Variants in CNTNAP2 observed in about 807,000 individuals in gnomAD.
CNTNAP2 encodes contactin-associated protein-like 2.
CNTNAP2 carries 98 observed loss-of-function variants against 155.2 expected under a neutral mutation model. The observed-to-expected ratio is 0.63, with a 90% confidence interval of 0.54 to 0.75. The LOEUF (loss-of-function observed/expected upper bound fraction) is 0.75, where lower values mean the gene tolerates loss of function less well. Ranked by LOEUF, CNTNAP2 falls within the 30% of genes least tolerant of loss-of-function variation. The probability of loss-of-function intolerance (pLI) is 0.00; values close to 1 mark genes in which losing one functional copy is unlikely to be tolerated. For synonymous variants in CNTNAP2, 651 were observed against 631.2 expected (o/e 1.03, Z -0.47); for missense variants, 1,727 against 1,688.1 (o/e 1.02, Z -0.40).
At chr7:146,933,639 GA>G (rs951749431) in intron 3 of CNTNAP2, among the ~76,000 whole-genome samples, 1 of 147,758 alleles carries the variant, frequency 6.8e-6, no homozygotes, top group African/African-American at 2.5e-5. Context: ...ACTACCATCA[GA>G]GTGAACAGGC....
chr7:146,589,779 T>G (rs550858361), intron 1 of CNTNAP2, among the ~76,000 whole-genome samples: 3 of 151,924 alleles, frequency 2.0e-5, no homozygotes, highest in Non-Finnish European at 4.4e-5. Context: ...AATGGAATGT[T>G]GCAATGTAAG....
intron 1 of CNTNAP2, among the ~76,000 whole-genome samples, chr7:146,685,305 A>G (rs2642493): frequency 0.73 from 110,597 of 152,070 alleles, 40,890 homozygotes; most frequent in South Asian, 0.86. Context: ...AACTTGAAAC[A>G]TTCCTATAGA....
At chr7:147,592,744 G>A (rs1004132371) in intron 12 of CNTNAP2, among the ~76,000 whole-genome samples, 2 of 152,152 alleles carry the variant, frequency 1.3e-5, no homozygotes, top group African/African-American at 4.8e-5. Context: ...ACAAGGCATA[G>A]AGGATAAATT....
intron 13 of CNTNAP2, among the ~76,000 whole-genome samples, chr7:147,867,322 T>A (rs191483487): frequency 6.6e-6 from 1 of 152,356 alleles, no homozygotes; most frequent in Non-Finnish European, 1.5e-5. Flanking sequence ...GATCCGCTGT[T>A]TGTCTGATGG....
At chr7:147,768,330 C>T (rs1000698931) in intron 13 of CNTNAP2, among the ~76,000 whole-genome samples, 1 of 151,948 alleles carries the variant, frequency 6.6e-6, no homozygotes, top group Non-Finnish European at 1.5e-5. Flanking sequence ...ATTTGTAAAT[C>T]GGGAGGAAGT....
intron 1 of CNTNAP2, among the ~76,000 whole-genome samples, chr7:146,533,107 CAAAAAAAAAAAAA>C (rs553035616): frequency 2.1e-5 from 1 of 47,836 alleles, no homozygotes; most frequent in Admixed American, 3.5e-4. Flanking sequence ...GACCCTGTCT[CAAAAAAAAAAAAA>C]AAAAAAAAAA....
At chr7:147,473,082 C>T (rs563654965) in intron 10 of CNTNAP2, among the ~76,000 whole-genome samples, 6 of 152,196 alleles carry the variant, frequency 3.9e-5, no homozygotes, top group East Asian at 1.9e-4. Flanking sequence ...AGTTCAAATA[C>T]GTTCATAGAC....
intron 1 of CNTNAP2, among the ~76,000 whole-genome samples, chr7:146,223,453 G>A (rs1476218461): frequency 6.6e-6 from 1 of 152,176 alleles, no homozygotes; most frequent in East Asian, 1.9e-4. Context: ...CTGAGACCTG[G>A]TCACTAGCTT....
At chr7:148,326,648 T>C (rs561448620) in intron 21 of CNTNAP2, among the ~76,000 whole-genome samples, 38 of 151,956 alleles carry the variant, frequency 2.5e-4, no homozygotes, top group Middle Eastern at 3.4e-3. Flanking sequence ...GGGCGGATCA[T>C]GAGGTCAGGA....
intron 1 of CNTNAP2, among the ~76,000 whole-genome samples, chr7:146,179,012 T>C (rs1430715936): frequency 1.3e-5 from 2 of 152,226 alleles, no homozygotes; most frequent in African/African-American, 4.8e-5. Flanking sequence ...ACTGAGACTT[T>C]TACAACATGA....
chr7:146,626,326 T>G (rs890255416), intron 1 of CNTNAP2, among the ~76,000 whole-genome samples: 4 of 152,154 alleles, frequency 2.6e-5, no homozygotes, highest in Non-Finnish European at 5.9e-5. Context: ...ATCTATTGGT[T>G]TGCAAATCAG....
intron 14 of CNTNAP2, among the ~76,000 whole-genome samples, chr7:147,909,208 A>G (rs936825569): frequency 2.0e-5 from 3 of 152,200 alleles, no homozygotes; most frequent in Non-Finnish European, 4.4e-5. Flanking sequence ...CACCCAGGCC[A>G]GTGTTCTTCC....
At chr7:148,040,141 G>A (rs1305785224) in intron 15 of CNTNAP2, among the ~76,000 whole-genome samples, 3 of 152,060 alleles carry the variant, frequency 2.0e-5, no homozygotes, top group Non-Finnish European at 4.4e-5. Context: ...TTCACATCTA[G>A]CTTAAGGCAA....
intron 1 of CNTNAP2, among the ~76,000 whole-genome samples, chr7:146,567,387 T>C (rs1338037997): frequency 1.3e-5 from 2 of 152,174 alleles, no homozygotes; most frequent in African/African-American, 4.8e-5. Flanking sequence ...TCTAAAACAA[T>C]AAATGTAGTC....
chr7:146,267,135 T>G (rs911450121), intron 1 of CNTNAP2, among the ~76,000 whole-genome samples: 3 of 152,208 alleles, frequency 2.0e-5, no homozygotes, highest in Non-Finnish European at 4.4e-5. Flanking sequence ...TGTCCATGTC[T>G]GATACGGATT....
intron 1 of CNTNAP2, among the ~76,000 whole-genome samples, chr7:146,290,370 A>G (rs182362692): frequency 6.6e-6 from 1 of 152,332 alleles, no homozygotes; most frequent in Non-Finnish European, 1.5e-5. Context: ...GATAAATCTC[A>G]GCCTACTTAA....
intron 1 of CNTNAP2, among the ~76,000 whole-genome samples, chr7:146,500,233 G>GATTATGTCATCTGA (rs1563108736): frequency 5.3e-5 from 8 of 152,276 alleles, no homozygotes; most frequent in African/African-American, 1.9e-4. Context: ...TACCAACACA[G>GATTATGTCATCTGA]GGGTTCGGGC....
chr7:146,602,667 T>G (rs1798969235), intron 1 of CNTNAP2, among the ~76,000 whole-genome samples: 1 of 152,220 alleles, frequency 6.6e-6, no homozygotes, highest in African/African-American at 2.4e-5. Context: ...TTTTACTGAT[T>G]GGAAAATACA....
At chr7:147,690,083 A>C (rs1330961731) in intron 13 of CNTNAP2, among the ~76,000 whole-genome samples, 1 of 152,090 alleles carries the variant, frequency 6.6e-6, no homozygotes, top group African/African-American at 2.4e-5. Context: ...GGGTGCCCAG[A>C]AAAGAATCTT....
Sources: allele counts gnomAD v4.1 joint callset (sites outside exome capture counted in the v4.1 genomes callset), GRCh38; gene constraint gnomAD v4.1.1; transcripts MANE v1.5; gene names NCBI Gene and HGNC (gene_info 2026-07-23, HGNC 2026-07-21).